The following MSH5 variants were observed in gnomAD, a reference collection of about 807,000 sequenced individuals.
The protein encoded by MSH5 is mutS homolog 5.
In MSH5, 78 loss-of-function variants were observed where a neutral mutation model predicts 107.7. The observed-to-expected ratio is 0.72, with a 90% CI of 0.60 to 0.87. The LOEUF (loss-of-function observed/expected upper bound fraction) is 0.87. Among genes scored for constraint, MSH5 ranks in the 40% least tolerant of loss-of-function variants. The pLI is 0.00. For missense variants in MSH5, 889 were observed against 1,046.6 expected, an observed-to-expected ratio of 0.85 and a Z score of 2.08; for synonymous variants, 326 against 399.5, an observed-to-expected ratio of 0.82 and a Z score of 2.19.
Position 31,740,369 on chromosome 6 carries a change from G to C in MSH5, c.-13-85G>C. 2 of 1,422,258 alleles carry C rather than the reference G, an allele frequency of 1.4e-6. No individual in the cohort carries two copies. Among genetic ancestry groups the C allele is most frequent in the Non-Finnish European group, 1.9e-6 (2 of 1,052,366 alleles). 88.1% of individuals were successfully genotyped at this position (1,422,258 alleles called of 1,614,324 possible). A position where few individuals can be genotyped will look rare whatever the true frequency, so the allele number is the denominator to read the frequency against. On this transcript the variant is annotated intron_variant, in intron 1 of 24. Coordinates refer to ENST00000375750, the MANE Select transcript of MSH5 (RefSeq NM_172166.4). This position sits in a 1 kb window ranked among gnomAD's most constrained non-coding sequence, Gnocchi z 4.4. ...CGCAGCCCTGTAGCAGAAGTACTTA[G>C]TGCTTTGCATTCTGCGCGCCACCCT...
intron 10 of MSH5, among the ~76,000 whole-genome samples, chr6:31,752,920 G>T (rs1393452269): frequency 6.6e-6 from 1 of 152,114 alleles, no homozygotes; most frequent in Non-Finnish European, 1.5e-5. Flanking sequence ...CAGCTAAAAA[G>T]ACATACAAAC....
At position 31,744,075 on chromosome 6, in the gene MSH5, G is replaced by T. The variant is rs781739820; in HGVS notation, c.537+50G>T. 8.7e-6 allele frequency: 14 copies of T among 1,611,012 alleles called. No homozygotes were observed. The Admixed American group carries it at 2.4e-4, about 27-fold the overall frequency. On this transcript the variant is annotated intron_variant, in intron 6 of 24. Coordinates refer to ENST00000375750, the MANE Select transcript of MSH5 (RefSeq NM_172166.4). ...GGCTGGGAGGCGGCACAAGTGCTAG[G>T]GCTGAATTCTGGGAGGTACTGGCCT...
At position 31,745,240 on chromosome 6, in the gene MSH5, T is replaced by C; in HGVS notation, c.687T>C (p.Val229=). 6.2e-7 allele frequency: 1 copy of C among 1,609,302 alleles called. No individual in the cohort carries two copies. The change falls in exon 9 of 25, where the codon GTT becomes GTC. Residue 229 remains valine, a synonymous_variant. Coordinates refer to ENST00000375750, the MANE Select transcript of MSH5 (RefSeq NM_172166.4). ...LVNIDQDTYS[V]LQIFKSESHP... ...CTCCTCCATTTCTCCTCGACAGTGT[T>C]CTACAGATTTTTAAGAGTGAGTCTC...
Position 31,744,226 on chromosome 6 carries a change from C to T in MSH5, c.574C>T (p.Arg192Ter), listed in dbSNP as rs149694647. Reference sequence around the variant, plus strand: ...TGGAGGGCTGCTGAAGTTCCTGGGTCGAAGAAGAATCGGGGTTGAACTGGA... The same window carrying T: ...TGGAGGGCTGCTGAAGTTCCTGGGTTGAAGAAGAATCGGGGTTGAACTGGA... Reference protein sequence around the residue: ...ALGGLLKFLGRRRIGVELEDY... With the variant: ...ALGGLLKFLG The change falls in exon 7 of 25, where the codon CGA becomes TGA. Residue 192 changes from arginine (R) to a stop codon, truncating the protein, a stop_gained. Transcript: ENST00000375750. LOFTEE classifies it high-confidence loss of function. 2.4e-5 allele frequency: 39 copies of T among 1,613,726 alleles called. No individual in the cohort carries two copies. The highest frequency in any genetic ancestry group is 3.1e-5 in the Non-Finnish European group (36 of 1,179,908).
Position 31,762,127 on chromosome 6 carries a change from C to T in MSH5, c.2335C>T (p.Arg779Cys), listed in dbSNP as rs142634264. The change falls in exon 24 of 25, where the codon CGC becomes TGC. Residue 779 changes from arginine to cysteine, a missense_variant. By Grantham distance (180) the Arg-to-Cys change is radical. Around this residue, in one of 3 missense-constraint regions of MSH5, gnomAD observed 362 missense variants for 456.2 expected, o/e 0.79. Coordinates refer to ENST00000375750, the MANE Select transcript of MSH5 (RefSeq NM_172166.4). ...ARGKEVSDLI[R>C]SGKPIKPVKD... is the part of the protein sequence containing the mutation. ...TTGTTCCTAGGTCTCAGACTTGATC[C>T]GCAGTGGAAAACCCATCAAGCCTGT... 2.0e-4 allele frequency: 326 copies of T among 1,614,040 alleles called. 1 individual carries two copies. The highest frequency in any genetic ancestry group is 1.8e-3 in the Middle Eastern group (11 of 6,084).
intron 12 of MSH5, 62 bp downstream of exon 12, chr6:31,753,691 C>T (rs1810180520): frequency 3.4e-6 from 5 of 1,467,374 alleles, no homozygotes; most frequent in Admixed American, 1.7e-5. Context: ...GTATTCCAGA[C>T]TGTCTGTACC....
chr6:31,751,376 CTG>C (rs1809943720), intron 10 of MSH5: 1 of 152,142 alleles, frequency 6.6e-6, no homozygotes, highest in Admixed American at 6.5e-5. Flanking sequence ...TGGCTCATGA[CTG>C]TAATCCCAGC....
intron 4 of MSH5, 64 bp from the exon 5 acceptor site, chr6:31,743,044 T>G: frequency 6.2e-7 from 1 of 1,607,596 alleles, no homozygotes; most frequent in Non-Finnish European, 8.5e-7. Context: ...TGAGAGGGAG[T>G]GTCAGACAGA....
At chr6:31,752,406 AAAAAT>A (rs977957238) in intron 10 of MSH5, among the ~76,000 whole-genome samples, 7 of 150,330 alleles carry the variant, frequency 4.7e-5, no homozygotes, top group African/African-American at 9.8e-5. Flanking sequence ...ACTCTATATA[AAAAAT>A]AAAATAAAAA....
At position 31,741,258 on chromosome 6, in the gene MSH5, C is replaced by T; in HGVS notation, c.243C>T (p.Asp81=). 6.2e-7 allele frequency: 1 copy of T among 1,612,662 alleles called. No homozygotes were observed. Among genetic ancestry groups the T allele is most frequent in the Non-Finnish European group, 8.5e-7 (1 of 1,179,970 alleles). Residue 81 remains aspartate, a synonymous_variant, in exon 3 of 25, where the codon GAC becomes GAT. Coordinates refer to ENST00000375750, the MANE Select transcript of MSH5 (RefSeq NM_172166.4). ...TCCACTTCATGCCAGATGCCCCAGACCACGAGAGCCTCAAGCTTCTCCAGA... is the reference window on the plus strand; with the variant it reads ...TCCACTTCATGCCAGATGCCCCAGATCACGAGAGCCTCAAGCTTCTCCAGA... ...STIHFMPDAP[D]HESLKLLQRV...
Position 31,740,131 on chromosome 6 carries a change from C to T in MSH5, c.-14+69C>T. On this transcript the variant is annotated intron_variant, in intron 1 of 24. Coordinates refer to ENST00000375750, the MANE Select transcript of MSH5 (RefSeq NM_172166.4). This position sits in a 1 kb window ranked among gnomAD's most constrained non-coding sequence, Gnocchi z 4.4. Reference sequence around the variant, plus strand: ...GGAGGAGGAAGATAAGCGCGTGAGGCTGGGGTCCTGGCGCGTGGTTGGCAG... The same window carrying T: ...GGAGGAGGAAGATAAGCGCGTGAGGTTGGGGTCCTGGCGCGTGGTTGGCAG... The T allele has an allele frequency of 4.2e-6, 1 of 238,994 alleles. No individual in the cohort carries two copies. The highest frequency in any genetic ancestry group is 2.2e-5 in the African/African-American group (1 of 44,702). 14.8% of individuals were successfully genotyped at this position (238,994 alleles called of 1,614,324 possible). A position where few individuals can be genotyped will look rare whatever the true frequency, so the allele number is the denominator to read the frequency against.
At chr6:31,745,090 C>T (rs1809295827) in intron 8 of MSH5, 147 bp from the exon 9 acceptor site, 5 of 588,474 alleles carry the variant, frequency 8.5e-6, no homozygotes, top group East Asian at 3.0e-5. Context: ...GGCGACAGAG[C>T]GAGACTCCAT....
At chr6:31,757,189 G>A (rs1810516487) in intron 12 of MSH5, 1 of 152,242 alleles carries the variant, frequency 6.6e-6, no homozygotes, top group Non-Finnish European at 1.5e-5. Context: ...CTGTTGCCCA[G>A]GCAGGAGTGC....
chr6:31,744,291 A>G lies in MSH5; in HGVS notation c.639A>G (p.Lys213=), dbSNP rs1431489905. The change falls in exon 7 of 25, where the codon AAA becomes AAG. Residue 213 remains lysine, a synonymous_variant. Transcript: ENST00000375750. ...GCGTCCCCATCCTGGGCTTTAAGAA[A>G]TTTATGTTGTAGGTGATTCACCCCA... ...NVSVPILGFK[K]FMLTHLVNID... is the part of the protein sequence containing the mutation. 1.2e-6 allele frequency: 2 copies of G among 1,614,130 alleles called. No homozygotes were observed. Among genetic ancestry groups the G allele is most frequent in the Non-Finnish European group, 1.7e-6 (2 of 1,180,020 alleles).
intron 9 of MSH5, 22 bp from the exon 10 acceptor site, chr6:31,747,365 C>T: frequency 1.2e-6 from 2 of 1,612,866 alleles, no homozygotes; most frequent in Non-Finnish European, 1.7e-6. Flanking sequence ...AACAAGTTCA[C>T]TCCCTGCCTT....
chr6:31,741,166 CATCT>C lies in MSH5; in HGVS notation c.152_155del (p.His51ArgfsTer59). On this transcript the variant is annotated frameshift_variant, in exon 3 of 25. Transcript: ENST00000375750. LOFTEE classifies it high-confidence loss of function. ...TCCTTTCTTCCTTGCTGGACAGATC[CATCT>C]GTGTGTGCTGTGGAATTCAGGATAC... 1 of 1,612,830 alleles carries C rather than the reference CATCT, an allele frequency of 6.2e-7. No individual in the cohort carries two copies. The highest frequency in any genetic ancestry group is 8.5e-7 in the Non-Finnish European group (1 of 1,179,962).
rs777160024 is a variant in MSH5 at position 31,761,251 on chromosome 6, G to A, written c.2026G>A (p.Gly676Arg). 1 of 1,613,836 alleles carries A rather than the reference G, an allele frequency of 6.2e-7. No individual in the cohort carries two copies. The highest frequency in any genetic ancestry group is 8.5e-7 in the Non-Finnish European group (1 of 1,180,028). Residue 676 changes from glycine (G) to arginine (R), a missense_variant, in exon 21 of 25, where the codon GGA becomes AGA. Coordinates refer to ENST00000375750, the MANE Select transcript of MSH5 (RefSeq NM_172166.4). This position sits in a 1 kb window ranked among gnomAD's most constrained non-coding sequence, Gnocchi z 5.3. ...GGTCCTTATTGATGAATTTGGAAAGGGAACCAACACGGTGAGGGGAGAAAC... is the reference window on the plus strand; with the variant it reads ...GGTCCTTATTGATGAATTTGGAAAGAGAACCAACACGGTGAGGGGAGAAAC... ...SLVLIDEFGKGTNTVDGLALL... is the reference protein window; with the variant it reads ...SLVLIDEFGKRTNTVDGLALL...
chr6:31,758,383 T>A lies in MSH5; in HGVS notation c.1143+90T>A. 1 of 1,579,962 alleles carries A rather than the reference T, an allele frequency of 6.3e-7. No homozygotes were observed. The highest frequency in any genetic ancestry group is 8.6e-7 in the Non-Finnish European group (1 of 1,156,720). ...TGGGGAAACATGGAAGATATTGAGG[T>A]CAATTGGATAAAGAATGGGATGGTG... On this transcript the variant is annotated intron_variant, in intron 13 of 24. Transcript: ENST00000375750. The surrounding 1 kb of genome is among the most constrained non-coding windows in gnomAD (Gnocchi z 5.1).
intron 8 of MSH5, 87 bp downstream of exon 8, chr6:31,744,668 C>G (rs1199732104): frequency 2.1e-6 from 3 of 1,435,716 alleles, no homozygotes; most frequent in Non-Finnish European, 2.9e-6. Flanking sequence ...GCTCTAGTTT[C>G]CCTAATCCTG....
Sources: allele counts gnomAD v4.1 joint callset (sites outside exome capture counted in the v4.1 genomes callset), GRCh38; gene constraint gnomAD v4.1.1; regional missense constraint gnomAD v4.1.1; non-coding constraint Gnocchi (gnomAD v3.1); transcripts MANE v1.5; gene names NCBI Gene and HGNC (gene_info 2026-07-23, HGNC 2026-07-21).